The following MAP1B variants were observed in gnomAD, a reference collection of about 807,000 sequenced individuals.
MAP1B encodes microtubule associated protein 1B.
MAP1B carries 12 observed loss-of-function variants against 176.1 expected under a neutral mutation model. The ratio of observed to expected loss-of-function variants is 0.07; its 90% CI spans 0.04 to 0.11. MAP1B has a LOEUF of 0.11. Among genes scored for constraint, MAP1B ranks in the 10% least tolerant of loss-of-function variants. MAP1B has a pLI of 1.00. For missense variants in MAP1B, 2,523 were observed against 2,990.5 expected (o/e 0.84, Z 3.65); for synonymous variants, 1,044 against 1,135.0 (o/e 0.92, Z 1.61).
rs767373839 is a variant in MAP1B at position 72,196,163 on chromosome 5, T to A, written c.2808T>A (p.Ser936=). 5.0e-6 allele frequency: 8 copies of A among 1,613,254 alleles called. No individual in the cohort carries two copies. In the South Asian group the frequency reaches 6.6e-5, roughly 13 times the overall value. The part of the protein sequence containing the change: ...FEDEGAGFEE[S]SETGDYEEKA... ...ATGAAGGAGCCGGTTTTGAAGAATCTTCAGAGACTGGAGACTATGAAGAGA... is the reference window on the plus strand; with the variant it reads ...ATGAAGGAGCCGGTTTTGAAGAATCATCAGAGACTGGAGACTATGAAGAGA... Residue 936 remains serine, a synonymous_variant, in exon 5 of 7, where the codon TCT becomes TCA. Transcript: ENST00000296755. The surrounding 1 kb of genome is among the most constrained non-coding windows in gnomAD (Gnocchi z 5.3).
Position 72,195,687 on chromosome 5 carries a change from G to C in MAP1B, c.2332G>C (p.Glu778Gln). Residue 778 changes from glutamate (E) to glutamine (Q), a missense_variant, in exon 5 of 7, where the codon GAG becomes CAG. This residue lies in a region of MAP1B where 1,925 missense variants were observed against 2,126.0 expected (regional missense o/e 0.91). Transcript: ENST00000296755. ...KDSVAAGKPK[E>Q]KGKIKVIKKE... Reference sequence around the variant, plus strand: ...TTCTGTTGCTGCCGGAAAGCCAAAGGAGAAGGGGAAAATAAAAGTCATTAA... The same window carrying C: ...TTCTGTTGCTGCCGGAAAGCCAAAGCAGAAGGGGAAAATAAAAGTCATTAA... The C allele has an allele frequency of 6.2e-7, 1 of 1,614,218 alleles. No homozygotes were observed. Among genetic ancestry groups the C allele is most frequent in the Non-Finnish European group, 8.5e-7 (1 of 1,180,046 alleles).
chr5:72,151,167 G>A (rs190763165), intron 2 of MAP1B, among the ~76,000 whole-genome samples: 23 of 152,204 alleles, frequency 1.5e-4, no homozygotes, highest in Middle Eastern at 3.4e-3. Context: ...AAGTGAAAGT[G>A]GGCATATTTG....
At position 72,197,242 on chromosome 5, in the gene MAP1B, CGGT is replaced by C. The variant is rs780987371; in HGVS notation, c.3889_3891del (p.Val1297del). The C allele has an allele frequency of 1.2e-6, 2 of 1,614,174 alleles. No individual in the cohort carries two copies. The highest frequency in any genetic ancestry group is 1.7e-6 in the Non-Finnish European group (2 of 1,180,032). On this transcript the variant is annotated inframe_deletion, in exon 5 of 7. Coordinates refer to ENST00000296755, the MANE Select transcript of MAP1B (RefSeq NM_005909.5). ...GTCTCTGCAGAGGCAGAAGTAGCCC[CGGT>C]GTCTCCTGAGGTGACCCAAGAAGTA...
At chr5:72,152,498 G>A (rs888400873) in intron 2 of MAP1B, among the ~76,000 whole-genome samples, 10 of 152,226 alleles carry the variant, frequency 6.6e-5, no homozygotes, top group Middle Eastern at 3.4e-3. Context: ...TCAGGCTGGA[G>A]TGCAGTGGCG....
Position 72,107,540 on chromosome 5 carries a change from C to A in MAP1B, c.9C>A (p.Thr3=). Residue 3 remains threonine, a synonymous_variant, in exon 1 of 7, where the codon ACC becomes ACA. Transcript: ENST00000296755. MA[T]VVVEATEPEP... ...GCACAGCAGCCGGCAGGATGGCGAC[C>A]GTGGTGGTGGAAGCCACCGAGCCGG... 1.3e-6 allele frequency: 2 copies of A among 1,568,026 alleles called. No individual in the cohort carries two copies. The highest frequency in any genetic ancestry group is 2.3e-5 in the East Asian group (1 of 42,878).
rs1048282057 is a variant in MAP1B at position 72,206,842 on chromosome 5, C to A, written c.*1603C>A. On this transcript the variant is annotated 3_prime_UTR_variant, in exon 7 of 7. Coordinates refer to ENST00000296755, the MANE Select transcript of MAP1B (RefSeq NM_005909.5). ...AATGATACCTCCCACCCCTTGATTC[C>A]CATAACATAAAAGTGCTACTTGAGA... 6.6e-6 allele frequency: 1 copy of A among 152,006 alleles called. No homozygotes were observed. Among genetic ancestry groups the A allele is most frequent in the African/African-American group, 2.4e-5 (1 of 41,366 alleles). The allele number at this position is 152,006 out of a possible 1,614,324, so 9.4% of individuals were successfully genotyped here.
chr5:72,126,313 A>G (rs1011732145), intron 2 of MAP1B, among the ~76,000 whole-genome samples: 2 of 152,226 alleles, frequency 1.3e-5, no homozygotes, highest in African/African-American at 4.8e-5. Flanking sequence ...AGGCTAGATC[A>G]GGTCATCTTA....
chr5:72,201,958 C>T (rs1261618242), intron 5 of MAP1B, among the ~76,000 whole-genome samples: 1 of 152,144 alleles, frequency 6.6e-6, no homozygotes, highest in Non-Finnish European at 1.5e-5. Flanking sequence ...AACATGAAAT[C>T]CATTTAAACA....
chr5:72,143,740 T>A (rs1257043433), intron 2 of MAP1B, among the ~76,000 whole-genome samples: 1 of 152,200 alleles, frequency 6.6e-6, no homozygotes, highest in East Asian at 1.9e-4. Context: ...CTGGGGGTAC[T>A]GAGGGAGAAT....
chr5:72,201,953 G>T (rs1221330611), intron 5 of MAP1B, among the ~76,000 whole-genome samples: 1 of 152,100 alleles, frequency 6.6e-6, no homozygotes, highest in Admixed American at 6.5e-5. Flanking sequence ...GAGAAAACAT[G>T]AAATCCATTT....
intron 2 of MAP1B, chr5:72,116,426 GA>G: frequency 2.4e-6 from 1 of 418,236 alleles, no homozygotes; most frequent in Admixed American, 3.3e-5. Flanking sequence ...TTTCAGAGAT[GA>G]AAAAGAATAT....
At chr5:72,178,722 A>AGGGG (rs766593145) in intron 2 of MAP1B, among the ~76,000 whole-genome samples, 10 of 113,210 alleles carry the variant, frequency 8.8e-5, no homozygotes, top group East Asian at 2.7e-4. Context: ...GAAGCCTCTG[A>AGGGG]GGGGTGTGTG....
In MAP1B at chr5:72,107,479, T is replaced by A. The variant is rs3112402; in HGVS notation, c.-53T>A. The A allele has an allele frequency of 0.86, 1,249,735 of 1,459,588 alleles. 536,499 individuals carry two copies. Among genetic ancestry groups the A allele is most frequent in the African/African-American group, 0.97 (68,690 of 70,498 alleles). The allele number at this position is 1,459,588 out of a possible 1,614,324, so 90.4% of individuals were successfully genotyped here. On this transcript the variant is annotated 5_prime_UTR_variant, in exon 1 of 7. Coordinates refer to ENST00000296755, the MANE Select transcript of MAP1B (RefSeq NM_005909.5). ...GAGATAATCCTTTCTCCTGCCGCAGTGGAGAGGAGCGGCCGGAGCGAGACA... is the reference window on the plus strand; with the variant it reads ...GAGATAATCCTTTCTCCTGCCGCAGAGGAGAGGAGCGGCCGGAGCGAGACA...
intron 1 of MAP1B, among the ~76,000 whole-genome samples, chr5:72,110,304 G>C (rs1171105779): frequency 6.6e-6 from 1 of 152,172 alleles, no homozygotes; most frequent in African/African-American, 2.4e-5. Flanking sequence ...CGAAATGACT[G>C]TATTGATCCC....
intron 1 of MAP1B, among the ~76,000 whole-genome samples, chr5:72,114,477 T>A (rs992636202): frequency 2.6e-5 from 4 of 152,238 alleles, no homozygotes; most frequent in African/African-American, 7.2e-5. Context: ...TTAGGAGGTA[T>A]GCAATAAATG....
rs1389141796 is a variant in MAP1B, at chr5:72,198,765, A to G, written c.5410A>G (p.Thr1804Ala). The G allele has an allele frequency of 1.2e-6, 2 of 1,613,852 alleles. No individual in the cohort carries two copies. The highest frequency in any genetic ancestry group is 2.7e-5 in the African/African-American group (2 of 74,832). Residue 1804 changes from threonine (T) to alanine (A), a missense_variant, in exon 5 of 7, where the codon ACC becomes GCC. Around this residue, in one of 4 missense-constraint regions of MAP1B, gnomAD observed 1,925 missense variants for 2,126.0 expected, o/e 0.91. Transcript: ENST00000296755. ...ATATTCACCTACTTTTTCAGATTCT[A>G]CCTCTGCAGTCAAAGAGAAAACAGC... ...PLYSPTFSDSTSAVKEKTATC... is the reference protein window; with the variant it reads ...PLYSPTFSDSASAVKEKTATC...
Position 72,196,238 on chromosome 5 carries a change from C to A in MAP1B, c.2883C>A (p.His961Gln), listed in dbSNP as rs140356321. ...AGCCAGAAGAGGATGGGGAGGAACACGTATGTGTGAGCGCCTCCAAGCACA... is the reference window on the plus strand; with the variant it reads ...AGCCAGAAGAGGATGGGGAGGAACAAGTATGTGTGAGCGCCTCCAAGCACA... ...AEEPEEDGEEHVCVSASKHSP... is the reference protein window; with the variant it reads ...AEEPEEDGEEQVCVSASKHSP... Residue 961 changes from histidine (H) to glutamine (Q), a missense_variant, in exon 5 of 7, where the codon CAC becomes CAA. Physicochemically the swap from His to Gln is conservative, Grantham distance 24. Transcript: ENST00000296755. The surrounding 1 kb of genome is among the most constrained non-coding windows in gnomAD (Gnocchi z 5.3). 6.2e-7 allele frequency: 1 copy of A among 1,613,712 alleles called. No homozygotes were observed. Among genetic ancestry groups the A allele is most frequent in the Non-Finnish European group, 8.5e-7 (1 of 1,179,994 alleles).
At chr5:72,112,617 T>C (rs1745363536) in intron 1 of MAP1B, among the ~76,000 whole-genome samples, 1 of 152,208 alleles carries the variant, frequency 6.6e-6, no homozygotes, top group Non-Finnish European at 1.5e-5. Context: ...AGGAAAGATC[T>C]TTTGTTGCTC....
intron 1 of MAP1B, among the ~76,000 whole-genome samples, chr5:72,109,979 C>T (rs1745293942): frequency 6.6e-6 from 1 of 152,208 alleles, no homozygotes; most frequent in Non-Finnish European, 1.5e-5. Flanking sequence ...GACGCATCCA[C>T]GTACTGCTAT....
Sources: allele counts gnomAD v4.1 joint callset (sites outside exome capture counted in the v4.1 genomes callset), GRCh38; gene constraint gnomAD v4.1.1; regional missense constraint gnomAD v4.1.1; non-coding constraint Gnocchi (gnomAD v3.1); transcripts MANE v1.5; gene names NCBI Gene and HGNC (gene_info 2026-07-23, HGNC 2026-07-21).